RTKN2: variants seen among roughly 807,000 people sequenced by gnomAD.
The protein encoded by RTKN2 is rhotekin-2.
Under a neutral mutation model 71.5 loss-of-function variants are expected in RTKN2, and 69 were observed. The ratio of observed to expected loss-of-function variants is 0.96; its 90% CI spans 0.79 to 1.18. RTKN2 has a LOEUF of 1.18. Among genes scored for constraint, RTKN2 ranks in the 50% most tolerant of loss-of-function variants. RTKN2 has a pLI of 0.00. For missense variants in RTKN2, 724 were observed against 719.7 expected (o/e 1.01, Z -0.07); for synonymous variants, 236 against 236.5 (o/e 1.00, Z 0.02).
intron 8 of RTKN2, 134 bp downstream of exon 8, chr10:62,218,061 A>G: frequency 3.3e-6 from 2 of 608,438 alleles, no homozygotes; most frequent in Non-Finnish European, 2.8e-6. Flanking sequence ...TTTATATCTG[A>G]TAACATTTAG....
At chr10:62,238,153 C>T (rs1842295434) in intron 5 of RTKN2, 1 of 151,832 alleles carries the variant, frequency 6.6e-6, no homozygotes, top group African/African-American at 2.4e-5. Flanking sequence ...GAATAACTTC[C>T]AGCTATTTTT....
chr10:62,215,161 G>GA, intron 9 of RTKN2: 2 of 941,288 alleles, frequency 2.1e-6, no homozygotes, highest in Non-Finnish European at 3.1e-6. Context: ...TAAAATATAA[G>GA]AAAAAAATTA....
intron 6 of RTKN2, among the ~76,000 whole-genome samples, chr10:62,231,372 G>A (rs1397316299): frequency 6.6e-6 from 1 of 152,132 alleles, no homozygotes; most frequent in African/African-American, 2.4e-5. Context: ...AAAATGAATA[G>A]ATGAATCTTA....
chr10:62,242,038 A>G (rs1842387524), intron 3 of RTKN2, among the ~76,000 whole-genome samples: 1 of 144,624 alleles, frequency 6.9e-6, no homozygotes, highest in South Asian at 2.2e-4. Flanking sequence ...TTGTAGAGAC[A>G]GAGTTCACTA....
At chr10:62,241,310 T>A (rs1057481113) in intron 3 of RTKN2, 115 bp from the exon 4 acceptor site, 1 of 609,684 alleles carries the variant, frequency 1.6e-6, no homozygotes, top group Non-Finnish European at 2.9e-6. Context: ...TAAAATAAAG[T>A]GTTATTATTT....
downstream of RTKN2, among the ~76,000 whole-genome samples, chr10:62,191,208 C>G (rs1009437138): frequency 3.3e-5 from 5 of 152,168 alleles, no homozygotes; most frequent in Admixed American, 3.3e-4. Flanking sequence ...CACAGTTCAT[C>G]GCAGCTGGAA....
chr10:62,248,984 T>C (rs1842527319), intron 2 of RTKN2, among the ~76,000 whole-genome samples: 1 of 152,198 alleles, frequency 6.6e-6, no homozygotes, highest in African/African-American at 2.4e-5. Context: ...ATTAAAACAC[T>C]CAAACGTTTA....
In RTKN2 at chr10:62,195,475, G is replaced by A. The variant is rs1007475671; in HGVS notation, c.*2433C>T. On this transcript the variant is annotated 3_prime_UTR_variant, in exon 12 of 12. Transcript: ENST00000373789. ...TTTTTTTTTAAACTGTAAAGGAAGG[G>A]AGGAAGGAGAGACAGAAGGAAAGTG... 2.6e-5 allele frequency: 25 copies of A among 951,756 alleles called. No homozygotes were observed. The highest frequency in any genetic ancestry group is 6.2e-5 in the Admixed American group (1 of 16,116). The allele number at this position is 951,756 out of a possible 1,614,324, so 59.0% of individuals were successfully genotyped here. A position where few individuals can be genotyped will look rare whatever the true frequency, so the allele number is the denominator to read the frequency against.
At chr10:62,200,380 A>AGG (rs1564499037) in intron 10 of RTKN2, among the ~76,000 whole-genome samples, 332 of 150,890 alleles carry the variant, frequency 2.2e-3, no homozygotes, top group African/African-American at 7.4e-3. Flanking sequence ...AAAAAAAAAA[A>AGG]AAAAAAGAAA....
chr10:62,199,702 G>C, intron 11 of RTKN2, 52 bp downstream of exon 11: 1 of 1,087,608 alleles, frequency 9.2e-7, no homozygotes, highest in Non-Finnish European at 1.4e-6. Context: ...CTTCAGTATG[G>C]ACAATGTTGT....
chr10:62,238,627 A>G (rs2132990139), intron 5 of RTKN2: 1 of 152,116 alleles, frequency 6.6e-6, no homozygotes, highest in African/African-American at 2.4e-5. Flanking sequence ...TATGTTTTGG[A>G]TCCTAAATAA....
At chr10:62,248,604 G>A (rs1192044677) in intron 2 of RTKN2, among the ~76,000 whole-genome samples, 1 of 152,034 alleles carries the variant, frequency 6.6e-6, no homozygotes, top group Non-Finnish European at 1.5e-5. Flanking sequence ...AATTATTTTG[G>A]CTGAGATTTG....
chr10:62,223,715 A>G (rs1351301022), intron 6 of RTKN2, among the ~76,000 whole-genome samples: 1 of 152,200 alleles, frequency 6.6e-6, no homozygotes, highest in African/African-American at 2.4e-5. Flanking sequence ...ACCTTTGTAC[A>G]TTGCTGGTCG....
chr10:62,232,937 T>A (rs529362788), intron 6 of RTKN2, among the ~76,000 whole-genome samples: 1 of 152,284 alleles, frequency 6.6e-6, no homozygotes, highest in Non-Finnish European at 1.5e-5. Flanking sequence ...TAAATTAATC[T>A]CTCTTGGGTC....
intron 2 of RTKN2, among the ~76,000 whole-genome samples, chr10:62,253,353 T>C (rs969932848): frequency 1.3e-5 from 2 of 152,106 alleles, no homozygotes; most frequent in African/African-American, 4.8e-5. Context: ...TAAAGCACAA[T>C]GTACAGAAGA....
At chr10:62,264,570 T>C (rs887468682) in intron 1 of RTKN2, among the ~76,000 whole-genome samples, 6 of 152,222 alleles carry the variant, frequency 3.9e-5, no homozygotes, top group African/African-American at 1.4e-4. Flanking sequence ...ACTGACTATA[T>C]TGGGGAGTGC....
At chr10:62,204,040 T>C (rs140261448) in intron 10 of RTKN2, among the ~76,000 whole-genome samples, 94 of 152,332 alleles carry the variant, frequency 6.2e-4, no homozygotes, top group African/African-American at 2.1e-3. Context: ...ATTATTTCCA[T>C]GAGTTGCAGA....
chr10:62,261,267 G>C (rs1240455820), intron 2 of RTKN2, among the ~76,000 whole-genome samples: 4 of 152,136 alleles, frequency 2.6e-5, no homozygotes, highest in Non-Finnish European at 5.9e-5. Flanking sequence ...TTAGGTTTTT[G>C]TATATATAAA....
Position 62,193,883 on chromosome 10 carries a change from T to A in RTKN2, c.*4025A>T. ...GCTTATCAGAATGTTAGTCTTATAA[T>A]AATTAGCACCAGCTACTTGGTATGT... On this transcript the variant is annotated 3_prime_UTR_variant, in exon 12 of 12. Transcript: ENST00000373789. 2 of 980,462 alleles carry A rather than the reference T, an allele frequency of 2.0e-6. No homozygotes were observed. The highest frequency in any genetic ancestry group is 2.4e-6 in the Non-Finnish European group (2 of 825,444). 60.7% of individuals were successfully genotyped at this position (980,462 alleles called of 1,614,324 possible).
Sources: gnomAD v4.1 joint callset for allele counts (sites outside exome capture counted in the v4.1 genomes callset) on GRCh38, gnomAD v4.1.1 for gene constraint, MANE v1.5 for transcripts, NCBI Gene and HGNC (gene_info 2026-07-23, HGNC 2026-07-21) for gene names.